The following CRY1 variants were observed in gnomAD, a reference collection of about 807,000 sequenced individuals.
The protein encoded by CRY1 is cryptochrome-1.
CRY1 carries 45 observed loss-of-function variants against 76.0 expected under a neutral mutation model. That is an observed-to-expected ratio of 0.59 (90% confidence interval 0.47 to 0.76). The LOEUF (loss-of-function observed/expected upper bound fraction) is 0.76. CRY1 is among the 30% of genes least tolerant of loss of function. CRY1 has a pLI of 0.00. For missense variants in CRY1, 587 were observed against 716.4 expected, an observed-to-expected ratio of 0.82 and a Z score of 2.06; for synonymous variants, 248 against 244.0, an observed-to-expected ratio of 1.02 and a Z score of -0.15.
intron 1 of CRY1, among the ~76,000 whole-genome samples, chr12:107,068,405 C>T (rs961370283): frequency 3.3e-5 from 5 of 152,130 alleles, no homozygotes; most frequent in African/African-American, 1.2e-4. Flanking sequence ...TTAAGCAATT[C>T]CTGCCTCAGC....
intron 2 of CRY1, among the ~76,000 whole-genome samples, chr12:107,017,225 C>T (rs545550542): frequency 6.6e-5 from 10 of 152,382 alleles, no homozygotes; most frequent in South Asian, 2.1e-4. Flanking sequence ...ACCTCTCCGA[C>T]GCCATTTCTT....
At chr12:107,091,755 G>A (rs1953474307) in intron 1 of CRY1, among the ~76,000 whole-genome samples, 1 of 152,072 alleles carries the variant, frequency 6.6e-6, no homozygotes, top group African/African-American at 2.4e-5. Context: ...TTCTTCTGCT[G>A]TTCCTTCCAA....
At chr12:107,046,114 A>C (rs1016661643) in intron 1 of CRY1, among the ~76,000 whole-genome samples, 16 of 143,574 alleles carry the variant, frequency 1.1e-4, no homozygotes, top group African/African-American at 3.8e-4. Context: ...CGACAGAGCA[A>C]GACTCTGTCT....
intron 1 of CRY1, among the ~76,000 whole-genome samples, chr12:107,039,958 C>T (rs945677765): frequency 1.9e-4 from 29 of 152,248 alleles, no homozygotes; most frequent in African/African-American, 6.0e-4. Flanking sequence ...TATACACACA[C>T]GTATATGCAT....
chr12:107,089,192 T>C (rs1243279587), intron 1 of CRY1, among the ~76,000 whole-genome samples: 1 of 152,244 alleles, frequency 6.6e-6, no homozygotes, highest in Non-Finnish European at 1.5e-5. Flanking sequence ...TTATGAATAA[T>C]GCTTCTGTGA....
At chr12:107,050,274 A>C (rs937028687) in intron 1 of CRY1, 6 of 152,136 alleles carry the variant, frequency 3.9e-5, no homozygotes, top group African/African-American at 1.4e-4. Context: ...GTAGCACCAA[A>C]AAAGGAAGGG....
chr12:106,993,314 G>A (rs577350179), intron 10 of CRY1, among the ~76,000 whole-genome samples: 1 of 151,760 alleles, frequency 6.6e-6, no homozygotes, highest in Non-Finnish European at 1.5e-5. Context: ...ACTTGACCAT[G>A]AAGGTAAAAC....
intron 1 of CRY1, among the ~76,000 whole-genome samples, chr12:107,052,329 C>CA (rs1200949794): frequency 6.6e-6 from 1 of 152,118 alleles, no homozygotes; most frequent in African/African-American, 2.4e-5. Context: ...ACCACAAGGG[C>CA]AGTCCCTTGA....
intron 1 of CRY1, among the ~76,000 whole-genome samples, chr12:107,035,870 C>T (rs1952727341): frequency 6.6e-6 from 1 of 152,160 alleles, no homozygotes; most frequent in Non-Finnish European, 1.5e-5. Context: ...CATTTAATTC[C>T]ATCCTTCAAG....
At chr12:107,032,498 T>C (rs1952687893) in intron 1 of CRY1, among the ~76,000 whole-genome samples, 1 of 135,680 alleles carries the variant, frequency 7.4e-6, no homozygotes, top group South Asian at 2.6e-4. Context: ...TGCTCTGAGA[T>C]AACTGTTACA....
At chr12:107,021,994 TAC>T (rs1239860605) in intron 2 of CRY1, 88 bp downstream of exon 2, 1 of 1,000,584 alleles carries the variant, frequency 1.0e-6, no homozygotes, top group African/African-American at 1.7e-5. Flanking sequence ...TTATATTCGC[TAC>T]ATTTTCAATT....
chr12:107,001,509 C>A, intron 4 of CRY1, 141 bp from the exon 5 acceptor site: 1 of 748,422 alleles, frequency 1.3e-6, no homozygotes, highest in Non-Finnish European at 2.2e-6. Flanking sequence ...AAGCCCTCAC[C>A]TATAGAGGAT....
intron 1 of CRY1, among the ~76,000 whole-genome samples, chr12:107,054,178 C>T (rs1257949554): frequency 6.6e-6 from 1 of 151,944 alleles, no homozygotes; most frequent in Admixed American, 6.6e-5. Context: ...AAAACAAAAA[C>T]AGAGAAATGA....
rs892316749 is a variant in CRY1, at chr12:107,044,413, T to C, written c.159-22221A>G. On this transcript the variant is annotated intron_variant, in intron 1 of 12. Transcript: ENST00000008527. Reference sequence around the variant, plus strand: ...GAGGTGCCCACAGTTATTGCTGATGTTCAATGCAGCTGGAGCAGCTGCATG... The same window carrying C: ...GAGGTGCCCACAGTTATTGCTGATGCTCAATGCAGCTGGAGCAGCTGCATG... 2.6e-5 allele frequency among the ~76,000 whole-genome samples: 4 copies of C among 152,330 alleles called. No individual in the cohort carries two copies. In the South Asian group the frequency reaches 8.3e-4, roughly 32 times the overall value.
At position 106,996,475 on chromosome 12, in the gene CRY1, G is replaced by T. The variant is rs560719957; in HGVS notation, c.1585+819C>A. On this transcript the variant is annotated intron_variant, in intron 10 of 12. Transcript: ENST00000008527. ...ATAACAGAATGATTTATATTCCTTTGGGTATATACCCAGTAATGGGATTGC... is the reference window on the plus strand; with the variant it reads ...ATAACAGAATGATTTATATTCCTTTTGGTATATACCCAGTAATGGGATTGC... 2.8e-4 allele frequency among the ~76,000 whole-genome samples: 43 copies of T among 152,188 alleles called. No homozygotes were observed. The South Asian group carries it at 8.5e-3, about 30-fold the overall frequency.
At chr12:107,023,126 C>T (rs559377804) in intron 1 of CRY1, among the ~76,000 whole-genome samples, 12 of 152,236 alleles carry the variant, frequency 7.9e-5, no homozygotes, top group African/African-American at 2.9e-4. Context: ...TATCTTATTT[C>T]CTATTTTGCT....
At chr12:107,090,246 C>T (rs530023073) in intron 1 of CRY1, among the ~76,000 whole-genome samples, 247 of 151,982 alleles carry the variant, frequency 1.6e-3, no homozygotes, top group African/African-American at 5.4e-3. Flanking sequence ...ATGTGCCATA[C>T]GCCTATCTAA....
At chr12:107,077,778 T>A (rs1172069217) in intron 1 of CRY1, among the ~76,000 whole-genome samples, 1 of 152,056 alleles carries the variant, frequency 6.6e-6, no homozygotes, top group Non-Finnish European at 1.5e-5. Flanking sequence ...CTTACCTCTC[T>A]CATAAAAAAT....
chr12:107,041,809 G>T (rs934301098), intron 1 of CRY1, among the ~76,000 whole-genome samples: 1 of 151,860 alleles, frequency 6.6e-6, no homozygotes, highest in Non-Finnish European at 1.5e-5. Context: ...GGGGAAGAGT[G>T]CCAGGAAAAG....
Sources: allele counts gnomAD v4.1 joint callset (sites outside exome capture counted in the v4.1 genomes callset), GRCh38; gene constraint gnomAD v4.1.1; transcripts MANE v1.5; gene names NCBI Gene and HGNC (gene_info 2026-07-23, HGNC 2026-07-21).